CADPS2: variants seen among roughly 807,000 people sequenced by gnomAD.
The protein encoded by CADPS2 is calcium-dependent secretion activator 2.
A neutral mutation model predicts 172.5 loss-of-function variants in CADPS2; 93 were observed. The ratio of observed to expected loss-of-function variants is 0.54; its 90% CI spans 0.46 to 0.64. The LOEUF is 0.64. Among genes scored for constraint, CADPS2 ranks in the 30% least tolerant of loss-of-function variants. The pLI is 0.00. For missense variants in CADPS2, 1,420 were observed against 1,565.9 expected (o/e 0.91, Z 1.57); for synonymous variants, 546 against 555.2 (o/e 0.98, Z 0.23).
chr7:122,605,617 T>C (rs1230425032), intron 6 of CADPS2, among the ~76,000 whole-genome samples: 3 of 152,166 alleles, frequency 2.0e-5, no homozygotes, highest in African/African-American at 7.2e-5. Context: ...TGACTATTAA[T>C]GACCTTATCA....
At chr7:122,668,530 T>C (rs2081430192) in intron 2 of CADPS2, among the ~76,000 whole-genome samples, 1 of 151,980 alleles carries the variant, frequency 6.6e-6, no homozygotes, top group Admixed American at 6.6e-5. Context: ...AGACTGCTAG[T>C]AAAAAATATG....
At position 122,319,349 on chromosome 7, in the gene CADPS2, C is replaced by A. The variant is rs909535677; in HGVS notation, c.*816G>T. Reference sequence around the variant, plus strand: ...TTGGGATGTTTGAAACACTGCAAACCTCTTTTACTGCATTTGCTCTATATA... The same window carrying A: ...TTGGGATGTTTGAAACACTGCAAACATCTTTTACTGCATTTGCTCTATATA... On this transcript the variant is annotated 3_prime_UTR_variant, in exon 30 of 30. Coordinates refer to ENST00000449022, the MANE Select transcript of CADPS2 (RefSeq NM_017954.11). 1 of 152,050 alleles carries A rather than the reference C, an allele frequency of 6.6e-6. No homozygotes were observed. Among genetic ancestry groups the A allele is most frequent in the Non-Finnish European group, 1.5e-5 (1 of 68,004 alleles). The allele number at this position is 152,050 out of a possible 1,614,324, so 9.4% of individuals were successfully genotyped here.
chr7:122,416,139 A>T lies in CADPS2; in HGVS notation c.2502T>A (p.Ala834=). 10 of 1,550,808 alleles carry T rather than the reference A, an allele frequency of 6.4e-6. No homozygotes were observed. Among genetic ancestry groups the T allele is most frequent in the Non-Finnish European group, 8.7e-6 (10 of 1,143,244 alleles). ...IEETMNQASP[A]RKLEEILHLA... is the part of the protein sequence containing the mutation. ...GATGAAGAATCTCTTCCAGCTTTCTAGCAGGAGATGCCTGGTTCATGGTCT... is the reference window on the plus strand; with the variant it reads ...GATGAAGAATCTCTTCCAGCTTTCTTGCAGGAGATGCCTGGTTCATGGTCT... Residue 834 remains alanine (A), a synonymous_variant, in exon 18 of 30, where the codon GCT becomes GCA. Coordinates refer to ENST00000449022, the MANE Select transcript of CADPS2 (RefSeq NM_017954.11).
At chr7:122,410,273 G>A (rs924032244) in intron 19 of CADPS2, among the ~76,000 whole-genome samples, 1 of 152,028 alleles carries the variant, frequency 6.6e-6, no homozygotes, top group African/African-American at 2.4e-5. Flanking sequence ...GAACCCGGGA[G>A]GTGAAGGTTG....
chr7:122,396,025 G>T (rs1342226720), intron 20 of CADPS2, among the ~76,000 whole-genome samples: 1 of 152,096 alleles, frequency 6.6e-6, no homozygotes, highest in African/African-American at 2.4e-5. Flanking sequence ...GGTCGGGCTA[G>T]TCTCGAACTC....
At chr7:122,548,092 G>C (rs1186368811) in intron 8 of CADPS2, among the ~76,000 whole-genome samples, 1 of 152,140 alleles carries the variant, frequency 6.6e-6, no homozygotes, top group Non-Finnish European at 1.5e-5. Context: ...ATTTAGCTGG[G>C]TGTGGTGGCT....
intron 6 of CADPS2, among the ~76,000 whole-genome samples, chr7:122,603,455 G>T (rs932470652): frequency 9.6e-6 from 1 of 104,548 alleles, no homozygotes; most frequent in African/African-American, 4.7e-5. Flanking sequence ...ATGAATACAT[G>T]AGCAGAAAAA....
At chr7:122,619,390 A>G (rs1043980603) in intron 5 of CADPS2, among the ~76,000 whole-genome samples, 8 of 151,074 alleles carry the variant, frequency 5.3e-5, no homozygotes, top group African/African-American at 1.9e-4. Context: ...CTTTGGGTGG[A>G]TTGTCTGAGC....
intron 28 of CADPS2, among the ~76,000 whole-genome samples, chr7:122,342,864 A>G (rs950441700): frequency 6.6e-6 from 1 of 152,166 alleles, no homozygotes; most frequent in Non-Finnish European, 1.5e-5. Flanking sequence ...TTTTCTCTTC[A>G]ATCTTTTATC....
chr7:122,405,414 G>T (rs12673310), intron 20 of CADPS2, among the ~76,000 whole-genome samples: 50,023 of 152,028 alleles, frequency 0.33, 8,433 homozygotes, highest in East Asian at 0.39. Flanking sequence ...TGTAATCCCA[G>T]CACTTTGGGA....
Position 122,496,061 on chromosome 7 carries a change from C to T in CADPS2, c.1543-4641G>A, listed in dbSNP as rs139300109. Among the ~76,000 whole-genome samples, 503 of 152,182 alleles carry T rather than the reference C, an allele frequency of 3.3e-3. 6 individuals carry two copies. Among genetic ancestry groups the T allele is most frequent in the Middle Eastern group, 0.014 (4 of 294 alleles). ...GATTTATTCACCTTTTTAATGTTTT[C>T]GAGAAATGTTATTGCATTTTGTTAA... On this transcript the variant is annotated intron_variant, in intron 9 of 29. Coordinates refer to ENST00000449022, the MANE Select transcript of CADPS2 (RefSeq NM_017954.11).
At chr7:122,871,251 T>C (rs1819672923) in intron 1 of CADPS2, among the ~76,000 whole-genome samples, 1 of 151,938 alleles carries the variant, frequency 6.6e-6, no homozygotes, top group South Asian at 2.1e-4. Context: ...CATTTTCACA[T>C]GTTGAGTTTT....
chr7:122,431,978 A>G (rs918418278), intron 17 of CADPS2, among the ~76,000 whole-genome samples: 4 of 152,220 alleles, frequency 2.6e-5, no homozygotes, highest in African/African-American at 9.6e-5. Flanking sequence ...TACATCACAT[A>G]TAAAATGCTT....
chr7:122,631,088 T>C (rs1046427629), intron 3 of CADPS2, among the ~76,000 whole-genome samples: 3 of 152,148 alleles, frequency 2.0e-5, no homozygotes, highest in African/African-American at 7.2e-5. Context: ...CTGAAATCTC[T>C]CATTCCAAGC....
chr7:122,790,397 T>TAAAAA (rs71531917), intron 1 of CADPS2, among the ~76,000 whole-genome samples: 8 of 117,082 alleles, frequency 6.8e-5, no homozygotes, highest in Non-Finnish European at 9.0e-5. Flanking sequence ...ACAGCGTTTC[T>TAAAAA]AAAAAAAAAA....
At chr7:122,548,772 T>C (rs2063888740) in intron 8 of CADPS2, among the ~76,000 whole-genome samples, 1 of 152,202 alleles carries the variant, frequency 6.6e-6, no homozygotes, top group Admixed American at 6.5e-5. Flanking sequence ...CCTGAGCTTA[T>C]TTCTTAGATA....
At chr7:122,777,766 G>T (rs2093930258) in intron 1 of CADPS2, among the ~76,000 whole-genome samples, 1 of 151,986 alleles carries the variant, frequency 6.6e-6, no homozygotes, top group African/African-American at 2.4e-5. Flanking sequence ...CGCCCTGCTT[G>T]TAAGTTTCCT....
intron 4 of CADPS2, among the ~76,000 whole-genome samples, chr7:122,622,987 T>C (rs917475734): frequency 5.9e-5 from 9 of 152,200 alleles, no homozygotes; most frequent in African/African-American, 1.9e-4. Flanking sequence ...GGCCACCTGC[T>C]TTTCTTCTCC....
chr7:122,553,979 A>T (rs1382922689), intron 8 of CADPS2, among the ~76,000 whole-genome samples: 1 of 152,088 alleles, frequency 6.6e-6, no homozygotes, highest in African/African-American at 2.4e-5. Flanking sequence ...CTTGGCAGAG[A>T]TGAAGGCTGA....
Sources: allele counts gnomAD v4.1 joint callset (sites outside exome capture counted in the v4.1 genomes callset), GRCh38; gene constraint gnomAD v4.1.1; transcripts MANE v1.5; gene names NCBI Gene and HGNC (gene_info 2026-07-23, HGNC 2026-07-21).